The following WASF3 variants were observed in gnomAD, a reference collection of about 807,000 sequenced individuals.
WASF3 encodes actin-binding protein WASF3.
In WASF3, 11 loss-of-function variants were observed where a neutral mutation model predicts 46.6. The ratio of observed to expected loss-of-function variants is 0.24; its 90% CI spans 0.15 to 0.39. WASF3 has a LOEUF of 0.39. Among genes scored for constraint, WASF3 ranks in the 10% least tolerant of loss-of-function variants. WASF3 has a pLI of 1.00. For synonymous variants in WASF3, 242 were observed against 259.7 expected (o/e 0.93, Z 0.65); for missense variants, 576 against 669.8 (o/e 0.86, Z 1.55).
Position 26,682,759 on chromosome 13 carries a change from A to G in WASF3, c.1136A>G (p.His379Arg). The change falls in exon 9 of 10, where the codon CAC (histidine) becomes CGC (arginine). Residue 379 changes from histidine (H) to arginine (R), a missense_variant. Physicochemically the swap from His to Arg is conservative, Grantham distance 29. Transcript: ENST00000335327. This position sits in a 1 kb window ranked among gnomAD's most constrained non-coding sequence, Gnocchi z 4.4. ...PPFPASASST[H>R]AAPPHPPSTG... ...TTCCCTGCATCAGCCAGCTCCACGC[A>G]CGCAGCTCCTCCTCACCCACCCTCC... is the stretch of plus-strand genomic sequence containing the variant. 1.2e-6 allele frequency: 2 copies of G among 1,612,914 alleles called. No homozygotes were observed. Among genetic ancestry groups the G allele is most frequent in the African/African-American group, 2.7e-5 (2 of 74,932 alleles).
chr13:26,580,128 C>T (rs906767049), intron 1 of WASF3, among the ~76,000 whole-genome samples: 1 of 152,150 alleles, frequency 6.6e-6, no homozygotes, highest in Non-Finnish European at 1.5e-5. Context: ...AAAGATTGGA[C>T]ACCCCTGCCT....
intron 1 of WASF3, among the ~76,000 whole-genome samples, chr13:26,588,350 T>C (rs1880189383): frequency 6.6e-6 from 1 of 152,164 alleles, no homozygotes; most frequent in African/African-American, 2.4e-5. Context: ...AGGTTTATGT[T>C]TTCACTGTTT....
intron 3 of WASF3, among the ~76,000 whole-genome samples, chr13:26,649,887 T>C (rs1480212067): frequency 1.3e-5 from 2 of 151,860 alleles, no homozygotes; most frequent in Non-Finnish European, 2.9e-5. Context: ...CTGGCCAAGG[T>C]GGTGAAACCC....
chr13:26,614,879 G>A (rs1566051546), intron 2 of WASF3, among the ~76,000 whole-genome samples: 2 of 151,996 alleles, frequency 1.3e-5, no homozygotes, highest in South Asian at 4.2e-4. Flanking sequence ...GCTTCTGCTT[G>A]CCACGCCATC....
At chr13:26,623,697 A>G (rs1881376150) in intron 2 of WASF3, among the ~76,000 whole-genome samples, 1 of 152,196 alleles carries the variant, frequency 6.6e-6, no homozygotes, top group Non-Finnish European at 1.5e-5. Flanking sequence ...AGGTATATGG[A>G]TCATTCCTAA....
the WASF3 span, among the ~76,000 whole-genome samples, chr13:26,545,262 A>G: frequency 1.3e-5 from 2 of 152,198 alleles, no homozygotes; most frequent in Non-Finnish European, 2.9e-5. Context: ...TTTGTGCTTC[A>G]AGATTATTTT....
intron 2 of WASF3, among the ~76,000 whole-genome samples, chr13:26,630,202 CA>C (rs1342074143): frequency 1.3e-5 from 2 of 152,038 alleles, no homozygotes; most frequent in African/African-American, 4.8e-5. Context: ...GGTACATGTG[CA>C]CAACATGCAG....
At chr13:26,638,554 G>A (rs1881898925) in intron 2 of WASF3, 1 of 152,192 alleles carries the variant, frequency 6.6e-6, no homozygotes, top group Admixed American at 6.5e-5. Context: ...GCGTACTTAA[G>A]TATTCTGTTG....
At chr13:26,650,316 T>C (rs1008791746) in intron 3 of WASF3, among the ~76,000 whole-genome samples, 6 of 152,152 alleles carry the variant, frequency 3.9e-5, no homozygotes, top group African/African-American at 1.4e-4. Context: ...CCCTTTTCAC[T>C]GCCCCTCACC....
chr13:26,542,203 G>T, the WASF3 span, among the ~76,000 whole-genome samples: 2 of 152,278 alleles, frequency 1.3e-5, no homozygotes, highest in Middle Eastern at 3.4e-3. Flanking sequence ...ATGATCTTTG[G>T]CACAAGTAAA....
In WASF3 at chr13:26,667,557, T is replaced by C; in HGVS notation, c.309T>C (p.Ser103=). 1 of 1,614,096 alleles carries C rather than the reference T, an allele frequency of 6.2e-7. No homozygotes were observed. Among genetic ancestry groups the C allele is most frequent in the Non-Finnish European group, 8.5e-7 (1 of 1,180,002 alleles). ...QDINMKKAFK[S]STVQDQQVVS... ...TCAACATGAAAAAAGCTTTCAAAAGTTCCACAGTCCAAGACCAGCAAGTGG... is the reference window on the plus strand; with the variant it reads ...TCAACATGAAAAAAGCTTTCAAAAGCTCCACAGTCCAAGACCAGCAAGTGG... The change falls in exon 5 of 10, where the codon AGT becomes AGC. Residue 103 remains serine, a synonymous_variant. Transcript: ENST00000335327.
At chr13:26,653,004 G>A (rs998280929) in intron 3 of WASF3, among the ~76,000 whole-genome samples, 4 of 152,006 alleles carry the variant, frequency 2.6e-5, no homozygotes, top group African/African-American at 9.7e-5. Flanking sequence ...TTTCCACCTC[G>A]CACCTCCCCA....
upstream of WASF3, among the ~76,000 whole-genome samples, chr13:26,557,244 T>TC (rs1879118025): frequency 6.6e-6 from 1 of 152,210 alleles, no homozygotes; most frequent in Non-Finnish European, 1.5e-5. Flanking sequence ...TACAGTCCTC[T>TC]CAGGGTTGCC....
intron 3 of WASF3, among the ~76,000 whole-genome samples, chr13:26,654,269 A>G (rs1229118844): frequency 1.3e-5 from 2 of 152,102 alleles, no homozygotes; most frequent in Admixed American, 6.5e-5. Context: ...CACCAAGCAC[A>G]TATTTGTCTT....
Position 26,688,612 on chromosome 13 carries a change from C to T in WASF3, c.*2767C>T, listed in dbSNP as rs1231823673. 2.0e-5 allele frequency: 3 copies of T among 152,202 alleles called. No individual in the cohort carries two copies. The highest frequency in any genetic ancestry group is 7.2e-5 in the African/African-American group (3 of 41,466). The allele number at this position is 152,202 out of a possible 1,614,324, so 9.4% of individuals were successfully genotyped here. A position where few individuals can be genotyped will look rare whatever the true frequency, so the allele number is the denominator to read the frequency against. On this transcript the variant is annotated 3_prime_UTR_variant, in exon 10 of 10. Coordinates refer to ENST00000335327, the MANE Select transcript of WASF3 (RefSeq NM_006646.6). ...TATTCAAAAATTAACATTTTCATCT[C>T]AGTAAGTTTTTAGAACATCAAAATG...
At position 26,682,880 on chromosome 13, in the gene WASF3, G is replaced by A; in HGVS notation, c.1257G>A (p.Met419Ile). 6.2e-7 allele frequency: 1 copy of A among 1,611,316 alleles called. No homozygotes were observed. Among genetic ancestry groups the A allele is most frequent in the Non-Finnish European group, 8.5e-7 (1 of 1,179,870 alleles). The change falls in exon 9 of 10, where the codon ATG becomes ATA. Residue 419 changes from methionine (M) to isoleucine (I), a missense_variant. Met to Ile is a conservative substitution (Grantham distance 10). Transcript: ENST00000335327. The surrounding 1 kb of genome is among the most constrained non-coding windows in gnomAD (Gnocchi z 4.4). ...GGTCTTCTCTTTCGTCCTCCCCAAT[G>A]CATGGCCCCCCAGTAGCTGAGGCGA... ...GPGSSLSSSP[M>I]HGPPVAEAKR...
At chr13:26,592,106 C>A (rs149119431) in intron 1 of WASF3, among the ~76,000 whole-genome samples, 83 of 146,024 alleles carry the variant, frequency 5.7e-4, no homozygotes, top group African/African-American at 2.1e-3. Context: ...GACCAATAAG[C>A]TTTGCTGAAC....
intron 7 of WASF3, among the ~76,000 whole-genome samples, chr13:26,678,375 C>T (rs1417453661): frequency 1.3e-5 from 2 of 152,088 alleles, no homozygotes; most frequent in Non-Finnish European, 2.9e-5. Flanking sequence ...TTTCACCATG[C>T]AGAGAAACCG....
Position 26,664,965 on chromosome 13 carries a change from T to A in WASF3, c.134-63T>A. 5 of 1,557,922 alleles carry A rather than the reference T, an allele frequency of 3.2e-6. No individual in the cohort carries two copies. The South Asian group carries it at 5.6e-5, about 18-fold the overall frequency. On this transcript the variant is annotated intron_variant, in intron 3 of 9. Coordinates refer to ENST00000335327, the MANE Select transcript of WASF3 (RefSeq NM_006646.6). ...TGACAGGAATAAGCACTGGTGAGGA[T>A]GTGTGAGGGCCGCTTCATCAGCTCC...
Sources: allele counts gnomAD v4.1 joint callset (sites outside exome capture counted in the v4.1 genomes callset), GRCh38; gene constraint gnomAD v4.1.1; non-coding constraint Gnocchi (gnomAD v3.1); transcripts MANE v1.5; gene names NCBI Gene and HGNC (gene_info 2026-07-23, HGNC 2026-07-21).